The following ADAMTS9 variants were observed in gnomAD, a reference collection of about 807,000 sequenced individuals.
ADAMTS9 encodes A disintegrin and metalloproteinase with thrombospondin motifs 9.
Under a neutral mutation model 257.1 loss-of-function variants are expected in ADAMTS9, and 107 were observed. That is an observed-to-expected ratio of 0.42 (90% CI 0.36 to 0.49). ADAMTS9 has a LOEUF of 0.49. Among genes scored for constraint, ADAMTS9 ranks in the 20% least tolerant of loss-of-function variants. The probability of loss-of-function intolerance (pLI) is 0.03; values close to 1 mark genes in which losing one functional copy is unlikely to be tolerated. For synonymous variants in ADAMTS9, 982 were observed against 880.9 expected (o/e 1.11, Z -2.03); for missense variants, 2,353 against 2,469.1 (o/e 0.95, Z 1.00).
intron 29 of ADAMTS9, 52 bp downstream of exon 29, chr3:64,568,316 G>C (rs2083591580): frequency 6.4e-7 from 1 of 1,561,046 alleles, no homozygotes; most frequent in Non-Finnish European, 8.6e-7. Flanking sequence ...ACTGGGGTCA[G>C]CCACGTGGCC....
At chr3:64,558,277 A>T (rs933425133) in intron 30 of ADAMTS9, among the ~76,000 whole-genome samples, 1 of 152,210 alleles carries the variant, frequency 6.6e-6, no homozygotes, top group African/African-American at 2.4e-5. Flanking sequence ...TAAATGCATG[A>T]TCATTGATAA....
intron 21 of ADAMTS9, among the ~76,000 whole-genome samples, chr3:64,614,575 G>A (rs575329760): frequency 2.8e-4 from 42 of 152,238 alleles, no homozygotes; most frequent in Admixed American, 1.2e-3. Flanking sequence ...CTTCTGTTTC[G>A]TATTTCTTAT....
Position 64,622,322 on chromosome 3 carries a change from C to A in ADAMTS9, c.2562G>T (p.Leu854Phe). ...RIEQELLLQV[L>F]SVGKLYNPDV... The stretch of plus-strand genomic sequence containing the variant: ...CGGGGTTGTACAACTTTCCCACCGA[C>A]AAAACCTAGAATGTGTGGACAAAAC... The change falls in exon 18 of 40, where the codon TTG (leucine) becomes TTT (phenylalanine). Residue 854 changes from leucine (L) to phenylalanine (F), a missense_variant. Physicochemically the swap from Leu to Phe is conservative, Grantham distance 22. Transcript: ENST00000498707. 6 of 1,613,510 alleles carry A rather than the reference C, an allele frequency of 3.7e-6. No individual in the cohort carries two copies. Among genetic ancestry groups the A allele is most frequent in the Non-Finnish European group, 5.1e-6 (6 of 1,179,862 alleles).
intron 32 of ADAMTS9, among the ~76,000 whole-genome samples, chr3:64,542,531 G>A (rs1005276899): frequency 8.6e-5 from 13 of 150,726 alleles, no homozygotes; most frequent in African/African-American, 2.2e-4. Flanking sequence ...AGGTTCAAGC[G>A]ATTCTCCTGC....
chr3:64,574,555 T>C (rs2083780898), intron 28 of ADAMTS9, among the ~76,000 whole-genome samples: 1 of 86,024 alleles, frequency 1.2e-5, no homozygotes, highest in Admixed American at 1.5e-4. Flanking sequence ...AGACCCCATC[T>C]CTACAAAAAA....
intron 3 of ADAMTS9, among the ~76,000 whole-genome samples, chr3:64,671,441 C>T (rs2107016164): frequency 6.6e-6 from 1 of 151,996 alleles, no homozygotes; most frequent in African/African-American, 2.4e-5. Flanking sequence ...AATGTTACAG[C>T]ATGTAAATTA....
chr3:64,647,005 G>C (rs907343500), intron 11 of ADAMTS9, among the ~76,000 whole-genome samples: 1 of 152,114 alleles, frequency 6.6e-6, no homozygotes, highest in Non-Finnish European at 1.5e-5. Flanking sequence ...CATTCTGGGT[G>C]CTACCAATTC....
At chr3:64,572,711 T>A (rs1177316642) in intron 28 of ADAMTS9, among the ~76,000 whole-genome samples, 1 of 151,756 alleles carries the variant, frequency 6.6e-6, no homozygotes, top group Non-Finnish European at 1.5e-5. Context: ...AAGGGGAAGG[T>A]AGAGGTCAGA....
At position 64,622,288 on chromosome 3, in the gene ADAMTS9, A is replaced by C; in HGVS notation, c.2596T>G (p.Tyr866Asp). 1 of 1,613,984 alleles carries C rather than the reference A, an allele frequency of 6.2e-7. No individual in the cohort carries two copies. Among genetic ancestry groups the C allele is most frequent in the Non-Finnish European group, 8.5e-7 (1 of 1,179,960 alleles). The change falls in exon 18 of 40, where the codon TAT (tyrosine) becomes GAT (aspartate). Residue 866 changes from tyrosine to aspartate, a missense_variant. Physicochemically the swap from Tyr to Asp is radical, Grantham distance 160. This residue lies in a region of ADAMTS9 where 1,402 missense variants were observed against 1,441.4 expected (regional missense o/e 0.97). Coordinates refer to ENST00000498707, the MANE Select transcript of ADAMTS9 (RefSeq NM_182920.2). ...TCTTCAATTGGAATATTGAAAGAAT[A>C]GCGTACATCGGGGTTGTACAACTTT... ...VGKLYNPDVR[Y>D]SFNIPIEDKP...
chr3:64,669,506 T>C (rs989004175), intron 3 of ADAMTS9, among the ~76,000 whole-genome samples: 5 of 152,162 alleles, frequency 3.3e-5, no homozygotes, highest in African/African-American at 1.2e-4. Flanking sequence ...CTCTTATCCA[T>C]AAAGAGAAGG....
intron 30 of ADAMTS9, among the ~76,000 whole-genome samples, chr3:64,557,411 C>A (rs957396784): frequency 6.6e-6 from 1 of 152,110 alleles, no homozygotes; most frequent in Non-Finnish European, 1.5e-5. Context: ...TAATAATTCT[C>A]AAAAGAATTA....
rs939122758 is a variant in ADAMTS9, at chr3:64,527,693, A to G, written c.5719-5433T>C. ...TGAATATAGCCCTGGACACTTATGT[A>G]TATATGAACATATGCATAAATGTCT... On this transcript the variant is annotated intron_variant, in intron 38 of 39. Coordinates refer to ENST00000498707, the MANE Select transcript of ADAMTS9 (RefSeq NM_182920.2). 5.9e-5 allele frequency among the ~76,000 whole-genome samples: 9 copies of G among 152,202 alleles called. 1 individual carries two copies. The highest frequency in any genetic ancestry group is 1.7e-4 in the African/African-American group (7 of 41,448).
rs1166888094 is a variant in ADAMTS9, at chr3:64,649,747, G to T, written c.1495C>A (p.Pro499Thr). Residue 499 changes from proline to threonine, a missense_variant, in exon 10 of 40, where the codon CCT (proline) becomes ACT (threonine). By Grantham distance (38) the Pro-to-Thr change is conservative. Around this residue, in one of 3 missense-constraint regions of ADAMTS9, gnomAD observed 360 missense variants for 458.1 expected, o/e 0.79. Transcript: ENST00000498707. ...TGYGECLLNEPESRPYPLPVQ... is the reference protein window; with the variant it reads ...TGYGECLLNETESRPYPLPVQ... The stretch of plus-strand genomic sequence containing the variant: ...GGCAAAGGGTAGGGTCTGGATTCAG[G>T]TTCGTTAAGCAAACACTCGCCATAA... 1 of 1,613,814 alleles carries T rather than the reference G, an allele frequency of 6.2e-7. No individual in the cohort carries two copies. Among genetic ancestry groups the T allele is most frequent in the East Asian group, 2.2e-5 (1 of 44,850 alleles).
chr3:64,654,118 A>C (rs1576164302), intron 8 of ADAMTS9, among the ~76,000 whole-genome samples: 1 of 152,348 alleles, frequency 6.6e-6, no homozygotes, highest in East Asian at 1.9e-4. Context: ...AAACTTGAGC[A>C]GTTAAACTGA....
chr3:64,591,891 G>A (rs1030194263), intron 28 of ADAMTS9, among the ~76,000 whole-genome samples: 1 of 152,174 alleles, frequency 6.6e-6, no homozygotes, highest in Admixed American at 6.5e-5. Context: ...AAAGCAACAT[G>A]TTAGCACCTC....
At chr3:64,533,344 CAATA>C (rs2083006941) in intron 37 of ADAMTS9, 74 bp from the exon 38 acceptor site, 1 of 1,118,494 alleles carries the variant, frequency 8.9e-7, no homozygotes, top group African/African-American at 1.5e-5. Flanking sequence ...AAAGGTGATA[CAATA>C]AAAGGTACTT....
At chr3:64,561,843 C>G in intron 29 of ADAMTS9, 92 bp from the exon 30 acceptor site, 1 of 1,111,712 alleles carries the variant, frequency 9.0e-7, no homozygotes, top group Non-Finnish European at 1.3e-6. Flanking sequence ...GGGGAATGCA[C>G]TCCTAATCCA....
intron 16 of ADAMTS9, among the ~76,000 whole-genome samples, chr3:64,627,585 T>C (rs994013023): frequency 6.6e-6 from 1 of 152,188 alleles, no homozygotes; most frequent in Non-Finnish European, 1.5e-5. Context: ...TGTGAAAGGA[T>C]GACCTTTGAC....
intron 3 of ADAMTS9, among the ~76,000 whole-genome samples, chr3:64,659,693 C>T (rs1701179486): frequency 6.6e-6 from 1 of 152,106 alleles, no homozygotes; most frequent in African/African-American, 2.4e-5. Context: ...AATTAACTTA[C>T]TCCAGGGCTC....
Sources: allele counts gnomAD v4.1 joint callset (sites outside exome capture counted in the v4.1 genomes callset), GRCh38; gene constraint gnomAD v4.1.1; regional missense constraint gnomAD v4.1.1; transcripts MANE v1.5; gene names NCBI Gene and HGNC (gene_info 2026-07-23, HGNC 2026-07-21).